OTUD4: variants seen among roughly 807,000 people sequenced by gnomAD.
OTUD4 encodes OTU domain-containing protein 4.
OTUD4 carries 24 observed loss-of-function variants against 130.4 expected under a neutral mutation model. The observed-to-expected ratio is 0.18, with a 90% CI of 0.13 to 0.26. The LOEUF (loss-of-function observed/expected upper bound fraction) is 0.26. Among genes scored for constraint, OTUD4 ranks in the 10% least tolerant of loss-of-function variants. The pLI, the probability that OTUD4 is intolerant of heterozygous loss-of-function variation, is 1.00. For synonymous variants in OTUD4, 420 were observed against 472.5 expected (o/e 0.89, Z 1.44); for missense variants, 1,031 against 1,329.4 (o/e 0.78, Z 3.49).
At chr4:145,156,253 T>G (rs140125661) in intron 7 of OTUD4, among the ~76,000 whole-genome samples, 1 of 152,322 alleles carries the variant, frequency 6.6e-6, no homozygotes, top group Non-Finnish European at 1.5e-5. Flanking sequence ...ACTGTGAAAT[T>G]TGGGTGGGTA....
intron 13 of OTUD4, among the ~76,000 whole-genome samples, chr4:145,150,191 C>T (rs978305796): frequency 6.6e-6 from 1 of 152,132 alleles, no homozygotes; most frequent in African/African-American, 2.4e-5. Flanking sequence ...GGAATGCAAT[C>T]TGGAATCCAG....
intron 7 of OTUD4, among the ~76,000 whole-genome samples, chr4:145,158,761 C>T (rs937002990): frequency 1.2e-4 from 19 of 152,118 alleles, no homozygotes; most frequent in Admixed American, 1.2e-3. Flanking sequence ...ATACTGGATA[C>T]CGTATCTAGG....
intron 19 of OTUD4, among the ~76,000 whole-genome samples, chr4:145,140,360 A>G (rs1415889124): frequency 6.6e-6 from 1 of 152,226 alleles, no homozygotes; most frequent in Non-Finnish European, 1.5e-5. Context: ...AAATCAACAT[A>G]AAACCTAACT....
At chr4:145,176,477 G>A (rs1426567396) in intron 1 of OTUD4, among the ~76,000 whole-genome samples, 1 of 151,222 alleles carries the variant, frequency 6.6e-6, no homozygotes, top group African/African-American at 2.4e-5. Context: ...CCTGAGGTCA[G>A]GAGTTTGAGA....
rs1750392475 is a variant in OTUD4 at position 145,138,434 on chromosome 4, G to A, written c.2341C>T (p.Pro781Ser). ...GTCGGCGGTCCAATCTCTGGCTGTGGCATTTGACCATTAACACTGGCCTCA... is the reference window on the plus strand; with the variant it reads ...GTCGGCGGTCCAATCTCTGGCTGTGACATTTGACCATTAACACTGGCCTCA... ...QTEASVNGQM[P>S]QPEIGPPTFS... Residue 781 changes from proline to serine, a missense_variant, in exon 21 of 21, where the codon CCA becomes TCA. By Grantham distance (74) the Pro-to-Ser change is moderately conservative. Transcript: ENST00000447906. 1.2e-6 allele frequency: 2 copies of A among 1,614,060 alleles called. No homozygotes were observed. Among genetic ancestry groups the A allele is most frequent in the South Asian group, 2.2e-5 (2 of 91,080 alleles).
chr4:145,154,334 C>A (rs1579261583), intron 10 of OTUD4, among the ~76,000 whole-genome samples: 1 of 152,186 alleles, frequency 6.6e-6, no homozygotes, highest in Non-Finnish European at 1.5e-5. Flanking sequence ...TTTAAATACC[C>A]CAGAACCAGA....
In OTUD4 at chr4:145,138,200, G is replaced by T. The variant is rs1331738074; in HGVS notation, c.2575C>A (p.Pro859Thr). ...AAAGGGTACCCATACCAAACATGAG[G>T]AAAGAAAGGAGGTGCAATAGGAACT... The part of the protein sequence containing the change: ...GPVPIAPPFF[P>T]HVWYGYPFQG... The change falls in exon 21 of 21, where the codon CCT becomes ACT. Residue 859 changes from proline to threonine, a missense_variant. Around this residue, in one of 3 missense-constraint regions of OTUD4, gnomAD observed 900 missense variants for 1,095.9 expected, o/e 0.82. Coordinates refer to ENST00000447906, the MANE Select transcript of OTUD4 (RefSeq NM_001366057.1). 22 of 1,613,888 alleles carry T rather than the reference G, an allele frequency of 1.4e-5. No homozygotes were observed. Among genetic ancestry groups the T allele is most frequent in the Non-Finnish European group, 1.8e-5 (21 of 1,179,894 alleles).
intron 2 of OTUD4, among the ~76,000 whole-genome samples, chr4:145,173,539 T>C (rs901585932): frequency 2.6e-5 from 4 of 152,222 alleles, no homozygotes; most frequent in African/African-American, 9.6e-5. Context: ...TAAGAATTAA[T>C]TTAAAGACCA....
intron 1 of OTUD4, among the ~76,000 whole-genome samples, chr4:145,176,858 C>A (rs80187983): frequency 2.0e-5 from 3 of 152,192 alleles, no homozygotes; most frequent in Admixed American, 2.0e-4. Flanking sequence ...ACTGCCTGGA[C>A]GCCTAGTATG....
chr4:145,160,884 C>T (rs748309840), intron 6 of OTUD4, among the ~76,000 whole-genome samples: 6 of 151,858 alleles, frequency 4.0e-5, no homozygotes, highest in Non-Finnish European at 8.8e-5. Flanking sequence ...CTGAGGTAGG[C>T]GGATCAGTTG....
At position 145,144,323 on chromosome 4, in the gene OTUD4, G is replaced by A; in HGVS notation, c.1534C>T (p.Arg512Ter). Residue 512 changes from arginine to a stop codon, truncating the protein, a stop_gained, in exon 15 of 21, where the codon CGA becomes TGA. Coordinates refer to ENST00000447906, the MANE Select transcript of OTUD4 (RefSeq NM_001366057.1). LOFTEE classifies it high-confidence loss of function. ...GSRRRMDTEE[R>*]KDKDSIHGHS... The stretch of plus-strand genomic sequence containing the variant: ...TGAGATAACTTACCTTTGTCTTTTC[G>A]TTCTTCTGTATCCATTCTCCGCCTG... 1.2e-6 allele frequency: 2 copies of A among 1,610,844 alleles called. No individual in the cohort carries two copies. Among genetic ancestry groups the A allele is most frequent in the African/African-American group, 1.3e-5 (1 of 74,790 alleles).
Position 145,180,238 on chromosome 4 carries a change from A to G in OTUD4, c.-265T>C. 1 of 159,154 alleles carries G rather than the reference A, an allele frequency of 6.3e-6. No individual in the cohort carries two copies. The allele number at this position is 159,154 out of a possible 1,614,324, so 9.9% of individuals were successfully genotyped here. A position where few individuals can be genotyped will look rare whatever the true frequency, so the allele number is the denominator to read the frequency against. On this transcript the variant is annotated 5_prime_UTR_variant, in exon 1 of 21. Transcript: ENST00000447906. ...ACGACAAACGGGGGGAGCGGGATTA[A>G]GGAAAACCCCGAGAGTGAGTAGTCA...
At chr4:145,147,932 A>G (rs1750898502) in intron 13 of OTUD4, among the ~76,000 whole-genome samples, 1 of 152,252 alleles carries the variant, frequency 6.6e-6, no homozygotes, top group East Asian at 1.9e-4. Flanking sequence ...AATATTCAAT[A>G]AAGTTTTTAA....
chr4:145,173,812 A>C (rs1210294836), intron 2 of OTUD4, among the ~76,000 whole-genome samples: 1 of 152,226 alleles, frequency 6.6e-6, no homozygotes, highest in Non-Finnish European at 1.5e-5. Flanking sequence ...CTTATTTCAC[A>C]TACTACTGAG....
intron 13 of OTUD4, among the ~76,000 whole-genome samples, chr4:145,148,748 TGG>T (rs1288342899): frequency 4.6e-5 from 7 of 152,172 alleles, no homozygotes. Context: ...TGTCAAAAAA[TGG>T]GAATATTAAA....
chr4:145,178,810 A>G (rs1198787871), intron 1 of OTUD4, among the ~76,000 whole-genome samples: 1 of 152,232 alleles, frequency 6.6e-6, no homozygotes, highest in African/African-American at 2.4e-5. Flanking sequence ...TTTAAAAGTT[A>G]TTTAGCATTC....
chr4:145,153,816 A>AT (rs2037318422), intron 10 of OTUD4, among the ~76,000 whole-genome samples: 2 of 152,210 alleles, frequency 1.3e-5, no homozygotes, highest in African/African-American at 4.8e-5. Flanking sequence ...CAATAAAGAC[A>AT]TTTTTCCTTC....
intron 13 of OTUD4, among the ~76,000 whole-genome samples, chr4:145,147,360 G>GA (rs34297913): frequency 2.2e-4 from 33 of 151,944 alleles, no homozygotes; most frequent in African/African-American, 8.0e-4. Flanking sequence ...TGGTATCGAT[G>GA]AAAAAAGGGA....
chr4:145,141,706 A>G lies in OTUD4; in HGVS notation c.1823-67T>C, dbSNP rs1413483218. 34 of 1,390,332 alleles carry G rather than the reference A, an allele frequency of 2.4e-5. No individual in the cohort carries two copies. In the East Asian group the frequency reaches 7.8e-4, roughly 32 times the overall value. 86.1% of individuals were successfully genotyped at this position (1,390,332 alleles called of 1,614,324 possible). The stretch of plus-strand genomic sequence containing the variant: ...AAATCTCTACAAATATGCTTACATT[A>G]ACCTATAAAGAATGCTGTATAACTG... On this transcript the variant is annotated intron_variant, in intron 18 of 20. Coordinates refer to ENST00000447906, the MANE Select transcript of OTUD4 (RefSeq NM_001366057.1).
Sources: allele counts gnomAD v4.1 joint callset (sites outside exome capture counted in the v4.1 genomes callset), GRCh38; gene constraint gnomAD v4.1.1; regional missense constraint gnomAD v4.1.1; transcripts MANE v1.5; gene names NCBI Gene and HGNC (gene_info 2026-07-23, HGNC 2026-07-21).